The following DPP10 variants were observed in gnomAD, a reference collection of about 807,000 sequenced individuals.
DPP10 encodes dipeptidyl peptidase like 10.
In DPP10, 33 loss-of-function variants were observed where a neutral mutation model predicts 120.9. The observed-to-expected ratio is 0.27, with a 90% confidence interval of 0.21 to 0.37. The LOEUF (loss-of-function observed/expected upper bound fraction) is 0.37. Ranked by LOEUF, DPP10 falls within the 10% of genes least tolerant of loss-of-function variation. The probability of loss-of-function intolerance (pLI) is 1.00; values close to 1 mark genes in which losing one functional copy is unlikely to be tolerated. For synonymous variants in DPP10, 337 were observed against 326.1 expected (o/e 1.03, Z -0.36); for missense variants, 816 against 942.8 (o/e 0.87, Z 1.76).
rs1003156011 is a variant in DPP10 at position 115,780,722 on chromosome 2, T to A, written c.1362-152T>A. 5.9e-5 allele frequency: 31 copies of A among 529,294 alleles called. 1 individual carries two copies. The highest frequency in any genetic ancestry group is 3.7e-4 in the African/African-American group (19 of 50,926). The allele number at this position is 529,294 out of a possible 1,614,324, so 32.8% of individuals were successfully genotyped here. A position where few individuals can be genotyped will look rare whatever the true frequency, so the allele number is the denominator to read the frequency against. On this transcript the variant is annotated intron_variant, in intron 15 of 25. Transcript: ENST00000410059. ...TAACATTACTAATAGAAGGTGACTT[T>A]TTATGTATATGGTGATTCATAGTTT...
intron 1 of DPP10, among the ~76,000 whole-genome samples, chr2:115,058,404 T>TTTTTA (rs909852604): frequency 8.5e-5 from 13 of 152,062 alleles, no homozygotes; most frequent in South Asian, 2.1e-4. Flanking sequence ...CTCTTTGTCT[T>TTTTTA]TTTTATTTTA....
intron 1 of DPP10, among the ~76,000 whole-genome samples, chr2:115,003,359 T>A (rs1701580659): frequency 6.6e-6 from 1 of 151,972 alleles, no homozygotes; most frequent in South Asian, 2.1e-4. Flanking sequence ...TGGGGCCTAC[T>A]TGCGGGTGAA....
At chr2:114,738,846 G>T (rs1008071893) in intron 1 of DPP10, among the ~76,000 whole-genome samples, 2 of 152,092 alleles carry the variant, frequency 1.3e-5, no homozygotes, top group African/African-American at 2.4e-5. Context: ...GAATCCTTCC[G>T]CAATTCTATT....
intron 3 of DPP10, among the ~76,000 whole-genome samples, chr2:115,385,928 G>T (rs758225673): frequency 1.3e-5 from 2 of 152,098 alleles, no homozygotes; most frequent in Non-Finnish European, 2.9e-5. Flanking sequence ...CAAAATTTCC[G>T]AAAGACAAGC....
At chr2:115,275,701 C>CTTTTTTTTTTTTTTTTTTTTTTTCTT in intron 1 of DPP10, among the ~76,000 whole-genome samples, 1 of 131,854 alleles carries the variant, frequency 7.6e-6, no homozygotes, top group Non-Finnish European at 1.6e-5. Context: ...CTTTTCTTTT[C>CTTTTTTTTTTTTTTTTTTTTTTTCTT]TTTTTTTTTT....
intron 1 of DPP10, among the ~76,000 whole-genome samples, chr2:114,596,689 A>G (rs1356009477): frequency 6.6e-6 from 1 of 152,014 alleles, no homozygotes; most frequent in African/African-American, 2.4e-5. Flanking sequence ...GTTATCCTGC[A>G]TAGTATTGTT....
chr2:115,334,258 C>CTTTTTTTTTTT (rs2062982462), intron 2 of DPP10, among the ~76,000 whole-genome samples: 1 of 25,126 alleles, frequency 4.0e-5, no homozygotes. Flanking sequence ...AGAAACCTAG[C>CTTTTTTTTTTT]TATTTCTGCA....
intron 1 of DPP10, among the ~76,000 whole-genome samples, chr2:115,271,882 A>T (rs2059713554): frequency 6.6e-6 from 1 of 152,120 alleles, no homozygotes; most frequent in Non-Finnish European, 1.5e-5. Context: ...CCATCTAAAA[A>T]AATTTTCATG....
chr2:114,663,924 GATA>G (rs1034379199), intron 1 of DPP10, among the ~76,000 whole-genome samples: 2 of 136,630 alleles, frequency 1.5e-5, no homozygotes, highest in African/African-American at 7.2e-5. Flanking sequence ...ATAAATCATA[GATA>G]TTATTATTAA....
At chr2:115,392,704 T>G (rs2067400605) in intron 3 of DPP10, among the ~76,000 whole-genome samples, 1 of 152,138 alleles carries the variant, frequency 6.6e-6, no homozygotes, top group African/African-American at 2.4e-5. Flanking sequence ...GTATTTTAAT[T>G]TCAGTGTCTG....
chr2:115,079,621 C>T (rs1455148799), intron 1 of DPP10, among the ~76,000 whole-genome samples: 1 of 152,050 alleles, frequency 6.6e-6, no homozygotes, highest in African/African-American at 2.4e-5. Context: ...GGAGAAGCAG[C>T]CCATGGGACC....
At chr2:114,477,845 GCA>G (rs1158675118) in intron 1 of DPP10, among the ~76,000 whole-genome samples, 1 of 78,038 alleles carries the variant, frequency 1.3e-5, no homozygotes, top group East Asian at 5.4e-4. Flanking sequence ...ATAAATATAT[GCA>G]TGTATAAATA....
At chr2:114,790,905 T>A (rs897859388) in intron 1 of DPP10, among the ~76,000 whole-genome samples, 1 of 152,166 alleles carries the variant, frequency 6.6e-6, no homozygotes, top group African/African-American at 2.4e-5. Context: ...TGGCTTGGCT[T>A]GGGCTCAGAG....
chr2:114,879,034 G>A (rs534090343), intron 1 of DPP10, among the ~76,000 whole-genome samples: 41 of 152,068 alleles, frequency 2.7e-4, no homozygotes, highest in African/African-American at 9.6e-4. Flanking sequence ...AGGAGTTAGT[G>A]ACAGTTTGGC....
At chr2:115,025,525 G>A (rs1010621342) in intron 1 of DPP10, among the ~76,000 whole-genome samples, 5 of 152,018 alleles carry the variant, frequency 3.3e-5, no homozygotes, top group African/African-American at 1.2e-4. Flanking sequence ...CCTACTAGTG[G>A]AATTGCTAGA....
At chr2:115,653,627 G>A (rs1434246791) in intron 5 of DPP10, among the ~76,000 whole-genome samples, 1 of 151,866 alleles carries the variant, frequency 6.6e-6, no homozygotes, top group Non-Finnish European at 1.5e-5. Flanking sequence ...GAAACACAAT[G>A]TGTATGTTCT....
chr2:115,095,754 T>C (rs1424912208), intron 1 of DPP10, among the ~76,000 whole-genome samples: 1 of 152,076 alleles, frequency 6.6e-6, no homozygotes, highest in Non-Finnish European at 1.5e-5. Flanking sequence ...AAATTAACTT[T>C]AGTCAATTCA....
At chr2:115,667,862 C>T (rs1046823294) in intron 5 of DPP10, among the ~76,000 whole-genome samples, 1 of 151,658 alleles carries the variant, frequency 6.6e-6, no homozygotes, top group Non-Finnish European at 1.5e-5. Context: ...CATTCTGCTG[C>T]CATTTCCCAT....
chr2:114,657,522 ATAATT>A (rs1397358995), intron 1 of DPP10, among the ~76,000 whole-genome samples: 4 of 152,194 alleles, frequency 2.6e-5, no homozygotes, highest in Admixed American at 6.5e-5. Context: ...TCTTTTCTCT[ATAATT>A]TAAAGTCATA....
Sources: allele counts gnomAD v4.1 joint callset (sites outside exome capture counted in the v4.1 genomes callset), GRCh38; gene constraint gnomAD v4.1.1; transcripts MANE v1.5; gene names NCBI Gene and HGNC (gene_info 2026-07-23, HGNC 2026-07-21).